The following ADCY5 variants were observed in gnomAD, a reference collection of about 807,000 sequenced individuals.
ADCY5 encodes the protein adenylate cyclase type 5.
ADCY5 carries 30 observed loss-of-function variants against 119.7 expected under a neutral mutation model. The ratio of observed to expected loss-of-function variants is 0.25; its 90% CI spans 0.19 to 0.34. The LOEUF is 0.34. ADCY5 is among the 10% of genes least tolerant of loss of function. The pLI, the probability that ADCY5 is intolerant of heterozygous loss-of-function variation, is 1.00. For missense variants in ADCY5, 1,324 were observed against 1,775.2 expected (o/e 0.75, Z 4.57); for synonymous variants, 753 against 762.2 (o/e 0.99, Z 0.20).
intron 1 of ADCY5, among the ~76,000 whole-genome samples, chr3:123,396,854 A>T (rs1004109962): frequency 9.0e-6 from 1 of 110,698 alleles, no homozygotes; most frequent in African/African-American, 3.6e-5. Context: ...CAGAGAACCC[A>T]TATCCATACC....
At chr3:123,298,001 T>A (rs971499274) in intron 15 of ADCY5, among the ~76,000 whole-genome samples, 5 of 147,228 alleles carry the variant, frequency 3.4e-5, no homozygotes. Flanking sequence ...AGTGGCTTTT[T>A]ATTTTTTTAT....
At chr3:123,435,433 C>A (rs937666305) in intron 1 of ADCY5, among the ~76,000 whole-genome samples, 4 of 152,148 alleles carry the variant, frequency 2.6e-5, no homozygotes, top group African/African-American at 9.7e-5. Context: ...CACACAAGGT[C>A]CCTGCAGACT....
intron 1 of ADCY5, among the ~76,000 whole-genome samples, chr3:123,406,636 GTTA>G (rs1265911271): frequency 5.9e-5 from 9 of 152,292 alleles, no homozygotes; most frequent in South Asian, 2.1e-4. Context: ...GGGACTCAAG[GTTA>G]TTCCCTTTCC....
chr3:123,310,086 G>C (rs1190303413), intron 12 of ADCY5, among the ~76,000 whole-genome samples: 1 of 132,942 alleles, frequency 7.5e-6, no homozygotes, highest in Non-Finnish European at 1.5e-5. Flanking sequence ...CAGGCTGGGG[G>C]ATAAGAGAGA....
intron 14 of ADCY5, among the ~76,000 whole-genome samples, chr3:123,301,509 G>C (rs1939851653): frequency 6.6e-6 from 1 of 152,214 alleles, no homozygotes. Flanking sequence ...TCAGACCTTG[G>C]CCCAGATAAC....
intron 1 of ADCY5, among the ~76,000 whole-genome samples, chr3:123,394,727 T>A (rs1303937805): frequency 6.6e-6 from 1 of 152,294 alleles, no homozygotes; most frequent in Non-Finnish European, 1.5e-5. Flanking sequence ...AAACACCCAG[T>A]TGGACCTCTC....
chr3:123,350,981 C>T (rs749954782), intron 2 of ADCY5, among the ~76,000 whole-genome samples: 5 of 151,944 alleles, frequency 3.3e-5, no homozygotes, highest in East Asian at 1.9e-4. Flanking sequence ...GTGCCAGAGG[C>T]GAGGTACATG....
At chr3:123,369,956 G>T (rs1378291790) in intron 1 of ADCY5, among the ~76,000 whole-genome samples, 1 of 152,208 alleles carries the variant, frequency 6.6e-6, no homozygotes, top group East Asian at 1.9e-4. Context: ...GGGGTAGGAA[G>T]GGTGACCAGA....
intron 1 of ADCY5, among the ~76,000 whole-genome samples, chr3:123,374,996 TCTAA>T (rs1234176781): frequency 4.6e-5 from 7 of 152,172 alleles, no homozygotes; most frequent in Non-Finnish European, 1.0e-4. Flanking sequence ...CTCTTCTCCC[TCTAA>T]CTTAGACTTC....
At chr3:123,317,331 A>AT (rs11427256) in intron 11 of ADCY5, among the ~76,000 whole-genome samples, 102,811 of 146,884 alleles carry the variant, frequency 0.7, 36,293 homozygotes, top group Non-Finnish European at 0.77. Context: ...TCTTTTGAAG[A>AT]TTTTTTTTTT....
At chr3:123,347,457 T>C (rs1482734413) in intron 3 of ADCY5, among the ~76,000 whole-genome samples, 1 of 152,116 alleles carries the variant, frequency 6.6e-6, no homozygotes, top group Non-Finnish European at 1.5e-5. Context: ...TCCCAGTCTA[T>C]GCTTTCCATC....
intron 11 of ADCY5, among the ~76,000 whole-genome samples, chr3:123,317,745 C>T (rs1329435123): frequency 3.5e-5 from 4 of 115,548 alleles, no homozygotes; most frequent in Non-Finnish European, 5.8e-5. Flanking sequence ...CCCACCACGC[C>T]GACCCAAAAA....
rs145032624 is a variant in ADCY5 at position 123,379,954 on chromosome 3, G to A, written c.1135-27373C>T. Among the ~76,000 whole-genome samples the A allele has an allele frequency of 4.5e-4, 69 of 152,256 alleles. 1 individual carries two copies. The East Asian group carries it at 0.013, about 28-fold the overall frequency. On this transcript the variant is annotated intron_variant, in intron 1 of 20. Coordinates refer to ENST00000462833, the MANE Select transcript of ADCY5 (RefSeq NM_183357.3). ...AGAAGCCAACTCAACCCAAGGAGAC[G>A]CAGATAAAATACAAAGGCAGGGTCA... is the stretch of plus-strand genomic sequence containing the variant.
At chr3:123,389,445 C>T (rs1233177463) in intron 1 of ADCY5, among the ~76,000 whole-genome samples, 1 of 152,086 alleles carries the variant, frequency 6.6e-6, no homozygotes, top group African/African-American at 2.4e-5. Flanking sequence ...ATCTTCAAAC[C>T]ACTTTTTCCC....
At chr3:123,373,974 A>G (rs1053163756) in intron 1 of ADCY5, among the ~76,000 whole-genome samples, 2 of 152,170 alleles carry the variant, frequency 1.3e-5, no homozygotes, top group Non-Finnish European at 2.9e-5. Flanking sequence ...CCAAATCTCC[A>G]TATTAAGGGA....
At chr3:123,323,832 C>CT (rs1386930280) in intron 8 of ADCY5, among the ~76,000 whole-genome samples, 2 of 151,994 alleles carry the variant, frequency 1.3e-5, no homozygotes, top group Admixed American at 6.6e-5. Flanking sequence ...GCTAGTTTTC[C>CT]TTTTTATTGT....
In ADCY5 at chr3:123,320,735, G is replaced by T; in HGVS notation, c.2111+14C>A. On this transcript the variant is annotated intron_variant, in intron 9 of 20. Transcript: ENST00000462833. Reference sequence around the variant, plus strand: ...GACCCAGGGAGCAGGAATAAGGAAGGGCATATTACTCACTTGTCCTTGGGG... The same window carrying T: ...GACCCAGGGAGCAGGAATAAGGAAGTGCATATTACTCACTTGTCCTTGGGG... 1 of 1,612,246 alleles carries T rather than the reference G, an allele frequency of 6.2e-7. No homozygotes were observed. The highest frequency in any genetic ancestry group is 1.7e-4 in the Middle Eastern group (1 of 6,056).
rs547071601 is a variant in ADCY5, at chr3:123,286,040, G to A, written c.3657+645C>T. Among the ~76,000 whole-genome samples the A allele has an allele frequency of 6.6e-6, 1 of 152,212 alleles. No individual in the cohort carries two copies. The highest frequency in any genetic ancestry group is 1.9e-4 in the East Asian group (1 of 5,196). On this transcript the variant is annotated intron_variant, in intron 20 of 20. Transcript: ENST00000462833. The surrounding 1 kb of genome is among the most constrained non-coding windows in gnomAD (Gnocchi z 4.2). ...AGCTGACCTCCCACAGCCTCACAGAGAACTGGGGGTGAGGGCCGTGCAGGA... is the reference window on the plus strand; with the variant it reads ...AGCTGACCTCCCACAGCCTCACAGAAAACTGGGGGTGAGGGCCGTGCAGGA...
At chr3:123,407,225 T>C (rs557951167) in intron 1 of ADCY5, among the ~76,000 whole-genome samples, 1 of 151,362 alleles carries the variant, frequency 6.6e-6, no homozygotes, top group African/African-American at 2.4e-5. Flanking sequence ...GCTCTCAGCC[T>C]CCCCACAGGC....
Sources: gnomAD v4.1 joint callset for allele counts (sites outside exome capture counted in the v4.1 genomes callset) on GRCh38, gnomAD v4.1.1 for gene constraint, Gnocchi (gnomAD v3.1) non-coding constraint, MANE v1.5 for transcripts, NCBI Gene and HGNC (gene_info 2026-07-23, HGNC 2026-07-21) for gene names.